PDE1C: variants seen among roughly 807,000 people sequenced by gnomAD.
The protein encoded by PDE1C is phosphodiesterase 1C, also known as dual specificity calcium/calmodulin-dependent 3',5'-cyclic nucleotide phosphodiesterase 1C.
PDE1C carries 62 observed loss-of-function variants against 93.1 expected under a neutral mutation model. The ratio of observed to expected loss-of-function variants is 0.67; its 90% CI spans 0.54 to 0.82. The LOEUF is 0.82. PDE1C is among the 40% of genes least tolerant of loss of function. The pLI is 0.00. For missense variants in PDE1C, 742 were observed against 884.6 expected, an observed-to-expected ratio of 0.84 and a Z score of 2.04; for synonymous variants, 325 against 310.1, an observed-to-expected ratio of 1.05 and a Z score of -0.50.
intron 1 of PDE1C, among the ~76,000 whole-genome samples, chr7:32,389,158 G>GTGTGTGTGTGTGTC (rs1491091493): frequency 0.045 from 33 of 732 alleles, no homozygotes; most frequent in South Asian, 0.25. Flanking sequence ...GATAGCTGAC[G>GTGTGTGTGTGTGTC]TGTGTGTGTG....
the PDE1C span, chr7:31,643,080 A>G: frequency 6.2e-7 from 1 of 1,614,020 alleles, no homozygotes; most frequent in Non-Finnish European, 8.5e-7. Context: ...GGTTTATGGT[A>G]ACCCACGTCA....
At chr7:32,341,173 C>CTTTTTTTTTTTTTTTTTTTTTTT (rs3079623) in intron 1 of PDE1C, among the ~76,000 whole-genome samples, 1 of 84,952 alleles carries the variant, frequency 1.2e-5, no homozygotes, top group African/African-American at 4.3e-5. Context: ...GAAATAAAGT[C>CTTTTTTTTTTTTTTTTTTTTTTT]TTTTTTTTTT....
chr7:31,655,371 C>T, the PDE1C span, among the ~76,000 whole-genome samples: 7 of 152,146 alleles, frequency 4.6e-5, no homozygotes, highest in South Asian at 2.1e-4. Context: ...TTCCTCAGAA[C>T]GAATTACCTG....
intron 5 of PDE1C, among the ~76,000 whole-genome samples, chr7:31,876,754 A>G (rs971287357): frequency 6.6e-6 from 1 of 152,190 alleles, no homozygotes; most frequent in African/African-American, 2.4e-5. Context: ...TTAGGGGTTA[A>G]AGAGGAATGG....
chr7:31,999,282 C>G (rs993414886), intron 2 of PDE1C, among the ~76,000 whole-genome samples: 3 of 152,154 alleles, frequency 2.0e-5, no homozygotes, highest in African/African-American at 7.2e-5. Context: ...GGCTTAGAAT[C>G]AAAATGCAGA....
intron 1 of PDE1C, among the ~76,000 whole-genome samples, chr7:32,298,065 C>CT (rs1562660556): frequency 0.15 from 3,087 of 21,166 alleles, 1,267 homozygotes; most frequent in Admixed American, 0.21. Context: ...TCTCTCTCTC[C>CT]CCTCTCTCTC....
intron 3 of PDE1C, among the ~76,000 whole-genome samples, chr7:32,124,300 T>A (rs998374773): frequency 6.6e-6 from 1 of 152,202 alleles, no homozygotes; most frequent in African/African-American, 2.4e-5. Flanking sequence ...ATAGATTCAA[T>A]GTTATTCCCA....
chr7:32,070,737 C>A, upstream of PDE1C: 1 of 1,112,898 alleles, frequency 9.0e-7, no homozygotes, highest in Non-Finnish European at 1.1e-6. Flanking sequence ...TCCCCCTACC[C>A]CCAAACAAAG....
the PDE1C span, among the ~76,000 whole-genome samples, chr7:31,685,000 G>T: frequency 2.6e-5 from 4 of 152,184 alleles, no homozygotes; most frequent in Admixed American, 2.0e-4. Context: ...AACAATCCAG[G>T]TGTATATACA....
rs1029463255 is a variant in PDE1C at position 31,971,527 on chromosome 7, A to G, written c.128+80027T>C. On this transcript the variant is annotated intron_variant, in intron 2 of 17. Coordinates refer to ENST00000396191, the MANE Select transcript of PDE1C (RefSeq NM_001191057.4). ...GTGCTTGGCTTGTAGCAAGAATCCA[A>G]CAGATGACAGCCCTCACTATTACGG... 3.3e-5 allele frequency among the ~76,000 whole-genome samples: 5 copies of G among 152,292 alleles called. 1 individual carries two copies. The South Asian group carries it at 8.3e-4, about 25-fold the overall frequency.
At chr7:31,959,543 A>G (rs903813423) in intron 2 of PDE1C, among the ~76,000 whole-genome samples, 9 of 152,182 alleles carry the variant, frequency 5.9e-5, no homozygotes, top group Non-Finnish European at 1.0e-4. Flanking sequence ...GCTAACAATA[A>G]TTATAAAGAT....
intron 1 of PDE1C, among the ~76,000 whole-genome samples, chr7:32,261,794 T>C (rs187005274): frequency 3.0e-4 from 46 of 152,362 alleles, no homozygotes; most frequent in Non-Finnish European, 5.1e-4. Context: ...TAAGTCATTT[T>C]GAAATAATGC....
intron 1 of PDE1C, among the ~76,000 whole-genome samples, chr7:32,068,073 A>G (rs1159166064): frequency 2.0e-5 from 3 of 152,242 alleles, no homozygotes; most frequent in Non-Finnish European, 2.9e-5. Context: ...CTCTCAGACA[A>G]GCTGAACTGA....
intron 7 of PDE1C, among the ~76,000 whole-genome samples, chr7:31,863,061 A>G (rs1339330796): frequency 6.6e-6 from 1 of 152,188 alleles, no homozygotes; most frequent in East Asian, 1.9e-4. Flanking sequence ...TTTATAGATT[A>G]CTTTGAGGGA....
intron 2 of PDE1C, among the ~76,000 whole-genome samples, chr7:32,007,621 G>A (rs1299882522): frequency 6.6e-6 from 1 of 152,188 alleles, no homozygotes; most frequent in East Asian, 1.9e-4. Flanking sequence ...ATATTTATTT[G>A]CACACAAATA....
intron 17 of PDE1C, among the ~76,000 whole-genome samples, chr7:31,767,997 C>T (rs185287731): frequency 4.2e-4 from 64 of 152,302 alleles, no homozygotes; most frequent in Non-Finnish European, 7.6e-4. Context: ...GTAAAATAAA[C>T]CTTCTTGAAA....
chr7:31,811,536 T>G (rs937052445), intron 15 of PDE1C, among the ~76,000 whole-genome samples: 1 of 152,106 alleles, frequency 6.6e-6, no homozygotes, highest in African/African-American at 2.4e-5. Flanking sequence ...GGCTTTTCCC[T>G]ATTTTAATGA....
chr7:31,850,387 C>T (rs1009660725), intron 8 of PDE1C, among the ~76,000 whole-genome samples: 3 of 151,890 alleles, frequency 2.0e-5, no homozygotes, highest in Admixed American at 6.6e-5. Context: ...AAACAAATAG[C>T]GAACATTAGA....
intron 2 of PDE1C, among the ~76,000 whole-genome samples, chr7:31,921,978 G>T (rs945860762): frequency 1.3e-5 from 2 of 150,580 alleles, no homozygotes; most frequent in Non-Finnish European, 3.0e-5. Flanking sequence ...GAGAAAATTA[G>T]AGTTAAGAGA....
Sources: allele counts gnomAD v4.1 joint callset (sites outside exome capture counted in the v4.1 genomes callset), GRCh38; gene constraint gnomAD v4.1.1; transcripts MANE v1.5; gene names NCBI Gene and HGNC (gene_info 2026-07-23, HGNC 2026-07-21).